Variants in MIA2 observed in about 807,000 individuals in gnomAD.
The protein encoded by MIA2 is melanoma inhibitory activity protein 2.
In MIA2, 127 loss-of-function variants were observed where a neutral mutation model predicts 167.8. The observed-to-expected ratio is 0.76, with a 90% CI of 0.66 to 0.88. MIA2 has a LOEUF of 0.88. MIA2 is among the 40% of genes least tolerant of loss of function. The pLI, the probability that MIA2 is intolerant of heterozygous loss-of-function variation, is 0.00. For missense variants in MIA2, 1,690 were observed against 1,624.7 expected (o/e 1.04, Z -0.69); for synonymous variants, 552 against 541.9 (o/e 1.02, Z -0.26).
At chr14:39,274,008 A>G (rs2057558495) in intron 6 of MIA2, among the ~76,000 whole-genome samples, 1 of 152,188 alleles carries the variant, frequency 6.6e-6, no homozygotes, top group Non-Finnish European at 1.5e-5. Context: ...ATTAGTATAT[A>G]TCATGTTTGA....
At chr14:39,268,038 G>C (rs933569482) in intron 6 of MIA2, among the ~76,000 whole-genome samples, 2 of 151,302 alleles carry the variant, frequency 1.3e-5, no homozygotes, top group Non-Finnish European at 2.9e-5. Flanking sequence ...CCATGAGTGA[G>C]ATTGTTCTTC....
intron 17 of MIA2, among the ~76,000 whole-genome samples, chr14:39,305,239 C>A (rs781456738): frequency 2.0e-5 from 3 of 152,250 alleles, no homozygotes; most frequent in Non-Finnish European, 4.4e-5. Flanking sequence ...TTTCAAGAAA[C>A]ATTAGTATTA....
At chr14:39,274,472 A>G (rs2057643781) in intron 6 of MIA2, among the ~76,000 whole-genome samples, 1 of 142,902 alleles carries the variant, frequency 7.0e-6, no homozygotes, top group African/African-American at 2.6e-5. Flanking sequence ...TCTGTCACCC[A>G]GGCTGGAGTG....
intron 3 of MIA2, among the ~76,000 whole-genome samples, chr14:39,244,971 G>A (rs967444956): frequency 6.6e-6 from 1 of 151,544 alleles, no homozygotes; most frequent in Admixed American, 6.6e-5. Flanking sequence ...AGAGACAGGG[G>A]TTCTCCATGT....
intron 23 of MIA2, among the ~76,000 whole-genome samples, chr14:39,358,048 A>G (rs201343160): frequency 6.6e-6 from 1 of 152,114 alleles, no homozygotes; most frequent in South Asian, 2.1e-4. Context: ...TGCTCTTCTC[A>G]AGGAGTATCT....
intron 24 of MIA2, among the ~76,000 whole-genome samples, chr14:39,324,219 G>C (rs1019338095): frequency 6.6e-6 from 1 of 152,180 alleles, no homozygotes; most frequent in Non-Finnish European, 1.5e-5. Context: ...TAAGCAATCA[G>C]GAAGGAAAGC....
At position 39,279,418 on chromosome 14, in the gene MIA2, A is replaced by T. The variant is rs2058615752; in HGVS notation, c.2042-31A>T. 4 of 1,601,730 alleles carry T rather than the reference A, an allele frequency of 2.5e-6. No homozygotes were observed. The African/African-American group carries it at 5.4e-5, about 22-fold the overall frequency. ...GTGTTGTAAAAACTTATAATAATTT[A>T]CTCATGGTAATATTGACTTGACTTT... On this transcript the variant is annotated intron_variant, in intron 8 of 28. Coordinates refer to ENST00000640607, the MANE Select transcript of MIA2 (RefSeq NM_001329214.4).
chr14:39,337,252 T>C (rs1444356603), intron 25 of MIA2, among the ~76,000 whole-genome samples: 1 of 152,192 alleles, frequency 6.6e-6, no homozygotes, highest in East Asian at 1.9e-4. Flanking sequence ...AAATGTTAAA[T>C]GTGTGTATGC....
At chr14:39,331,878 C>G (rs2068965915) in intron 25 of MIA2, among the ~76,000 whole-genome samples, 1 of 152,116 alleles carries the variant, frequency 6.6e-6, no homozygotes, top group Non-Finnish European at 1.5e-5. Flanking sequence ...TCTGGCTGCC[C>G]TTAACGTTTT....
At chr14:39,377,249 AAG>A (rs1243259205) in intron 23 of MIA2, among the ~76,000 whole-genome samples, 1 of 152,032 alleles carries the variant, frequency 6.6e-6, no homozygotes, top group Non-Finnish European at 1.5e-5. Flanking sequence ...AAAAAAAAAA[AAG>A]AACAATCCTG....
intron 9 of MIA2, among the ~76,000 whole-genome samples, chr14:39,290,541 A>G (rs988386755): frequency 2.0e-5 from 3 of 152,054 alleles, no homozygotes; most frequent in African/African-American, 4.8e-5. Context: ...TATTTGTTGT[A>G]TGGTATGGAT....
At chr14:39,386,528 T>A in intron 23 of MIA2, 1 of 1,339,990 alleles carries the variant, frequency 7.5e-7, no homozygotes, top group Admixed American at 2.1e-5. Flanking sequence ...TATATTCACA[T>A]TTCTCCTTTT....
At chr14:39,319,856 C>T (rs2066104306) in intron 23 of MIA2, among the ~76,000 whole-genome samples, 1 of 151,938 alleles carries the variant, frequency 6.6e-6, no homozygotes. Flanking sequence ...GCAGTGATCT[C>T]AAACTATTGC....
intron 23 of MIA2, among the ~76,000 whole-genome samples, chr14:39,358,173 G>C (rs192638234): frequency 2.6e-5 from 4 of 152,116 alleles, no homozygotes; most frequent in Non-Finnish European, 5.9e-5. Flanking sequence ...CATTCTCCCC[G>C]TCACTTTCAG....
intron 9 of MIA2, among the ~76,000 whole-genome samples, chr14:39,283,399 T>G (rs1403220402): frequency 6.6e-6 from 1 of 152,216 alleles, no homozygotes; most frequent in East Asian, 1.9e-4. Flanking sequence ...GGTTGAAAAT[T>G]GACTTTAAGT....
At position 39,281,550 on chromosome 14, in the gene MIA2, C is replaced by A. The variant is rs188746187; in HGVS notation, c.2130+2013C>A. Among the ~76,000 whole-genome samples, 84 of 150,734 alleles carry A rather than the reference C, an allele frequency of 5.6e-4. 1 individual carries two copies. The highest frequency in any genetic ancestry group is 1.9e-3 in the African/African-American group (80 of 41,146). On this transcript the variant is annotated intron_variant, in intron 9 of 28. Coordinates refer to ENST00000640607, the MANE Select transcript of MIA2 (RefSeq NM_001329214.4). ...TGGCTCTTTTTGTAGTTCTTTTTCTCTGGTACAATTCTATTTTTTAATTCC... is the reference window on the plus strand; with the variant it reads ...TGGCTCTTTTTGTAGTTCTTTTTCTATGGTACAATTCTATTTTTTAATTCC...
Position 39,279,530 on chromosome 14 carries a change from A to G in MIA2, c.2123A>G (p.Gln708Arg). 2.5e-6 allele frequency: 4 copies of G among 1,589,856 alleles called. No homozygotes were observed. The highest frequency in any genetic ancestry group is 3.4e-6 in the Non-Finnish European group (4 of 1,164,220). Residue 708 changes from glutamine to arginine, a missense_variant, in exon 9 of 29, where the codon CAA becomes CGA. Transcript: ENST00000640607. ...SKLLEKFSLV[Q>R]KEYEGYEVES... Reference sequence around the variant, plus strand: ...CTACTTGAAAAATTTAGCCTTGTTCAAAAAGAGGTAAGATATTTTTGAAAA... The same window carrying G: ...CTACTTGAAAAATTTAGCCTTGTTCGAAAAGAGGTAAGATATTTTTGAAAA...
chr14:39,294,180 C>G, intron 12 of MIA2, 109 bp downstream of exon 12: 1 of 715,814 alleles, frequency 1.4e-6, no homozygotes, highest in East Asian at 3.1e-5. Flanking sequence ...ATAGGGGATC[C>G]CAGATATGTA....
At chr14:39,335,922 C>G (rs1279705771) in intron 25 of MIA2, among the ~76,000 whole-genome samples, 1 of 152,164 alleles carries the variant, frequency 6.6e-6, no homozygotes, top group African/African-American at 2.4e-5. Flanking sequence ...CATGTTGTTG[C>G]AAAGGACATA....
Sources: gnomAD v4.1 joint callset for allele counts (sites outside exome capture counted in the v4.1 genomes callset) on GRCh38, gnomAD v4.1.1 for gene constraint, MANE v1.5 for transcripts, NCBI Gene and HGNC (gene_info 2026-07-23, HGNC 2026-07-21) for gene names.